Variants in BTBD9 observed in about 807,000 individuals in gnomAD.
The protein encoded by BTBD9 is BTB/POZ domain-containing protein 9.
A neutral mutation model predicts 64.3 loss-of-function variants in BTBD9; 49 were observed. The ratio of observed to expected loss-of-function variants is 0.76; its 90% CI spans 0.61 to 0.97. BTBD9 has a LOEUF of 0.97. Among genes scored for constraint, BTBD9 ranks in the 50% least tolerant of loss-of-function variants. The pLI is 0.00. For synonymous variants in BTBD9, 260 were observed against 274.7 expected (o/e 0.95, Z 0.53); for missense variants, 598 against 762.1 (o/e 0.78, Z 2.53).
At chr6:38,504,009 C>T (rs1189120795) in intron 6 of BTBD9, among the ~76,000 whole-genome samples, 4 of 152,248 alleles carry the variant, frequency 2.6e-5, no homozygotes, top group Non-Finnish European at 4.4e-5. Context: ...CCACTGATCC[C>T]GCCACAGTCT....
intron 6 of BTBD9, among the ~76,000 whole-genome samples, chr6:38,463,936 G>A (rs1770220503): frequency 6.6e-6 from 1 of 152,152 alleles, no homozygotes; most frequent in Admixed American, 6.6e-5. Flanking sequence ...GGAGGCTGAG[G>A]CAGAAGGATC....
chr6:38,608,225 T>C (rs926002815), intron 1 of BTBD9, among the ~76,000 whole-genome samples: 6 of 152,174 alleles, frequency 3.9e-5, no homozygotes, highest in Admixed American at 1.3e-4. Context: ...CTATCACTTA[T>C]AGATCTCAGA....
intron 6 of BTBD9, among the ~76,000 whole-genome samples, chr6:38,475,535 A>C (rs1006616960): frequency 1.3e-5 from 2 of 152,146 alleles, no homozygotes; most frequent in African/African-American, 4.8e-5. Flanking sequence ...CTGACACAAC[A>C]TATGCTGCCT....
chr6:38,376,598 G>A (rs1765703749), intron 6 of BTBD9, among the ~76,000 whole-genome samples: 1 of 152,066 alleles, frequency 6.6e-6, no homozygotes, highest in Admixed American at 6.5e-5. Flanking sequence ...CAAAAGCTGT[G>A]TTAACTTTCT....
chr6:38,196,493 T>G (rs1762277668), intron 9 of BTBD9, among the ~76,000 whole-genome samples: 3 of 152,214 alleles, frequency 2.0e-5, no homozygotes, highest in Admixed American at 2.0e-4. Flanking sequence ...ATTCAATGAT[T>G]ACCACAGAGG....
At chr6:38,548,148 AG>A (rs1774638359) in intron 6 of BTBD9, among the ~76,000 whole-genome samples, 1 of 152,204 alleles carries the variant, frequency 6.6e-6, no homozygotes, top group African/African-American at 2.4e-5. Flanking sequence ...CAAATCTATA[AG>A]TATACTATTC....
In BTBD9 at chr6:38,573,401, T is replaced by C. The variant is rs1463635302; in HGVS notation, c.1154+4199A>G. ...AAGGAAATAAAGAAAGAAACCGTTT[T>C]GTATTAACCAAGTTCATCTCTCCTA... On this transcript the variant is annotated intron_variant, in intron 6 of 10. Coordinates refer to ENST00000481247, the MANE Select transcript of BTBD9 (RefSeq NM_001099272.2). Among the ~76,000 whole-genome samples the C allele has an allele frequency of 1.2e-4, 19 of 152,326 alleles. No homozygotes were observed. In the East Asian group the frequency reaches 3.5e-3, roughly 28 times the overall value.
chr6:38,564,188 C>T (rs138679204), intron 6 of BTBD9, among the ~76,000 whole-genome samples: 10 of 152,288 alleles, frequency 6.6e-5, no homozygotes, highest in Non-Finnish European at 1.0e-4. Context: ...CCTTTACTGT[C>T]CACTTGTGCT....
At chr6:38,517,199 TC>T (rs1773070268) in intron 6 of BTBD9, among the ~76,000 whole-genome samples, 1 of 152,172 alleles carries the variant, frequency 6.6e-6, no homozygotes, top group Admixed American at 6.5e-5. Context: ...TGCCAACACT[TC>T]CTAAAGAGAT....
chr6:38,532,275 C>T (rs1773834199), intron 6 of BTBD9, among the ~76,000 whole-genome samples: 1 of 152,116 alleles, frequency 6.6e-6, no homozygotes, highest in Non-Finnish European at 1.5e-5. Context: ...ATTGCCAATC[C>T]CGGCAGTCAG....
intron 6 of BTBD9, among the ~76,000 whole-genome samples, chr6:38,558,518 G>A (rs1053050179): frequency 2.0e-5 from 3 of 152,108 alleles, no homozygotes; most frequent in Admixed American, 6.5e-5. Context: ...TTAGTATGAT[G>A]CTGGCTATGA....
Position 38,301,165 on chromosome 6 carries a change from T to C in BTBD9, c.1265-12704A>G, listed in dbSNP as rs183840320. On this transcript the variant is annotated intron_variant, in intron 7 of 10. Coordinates refer to ENST00000481247, the MANE Select transcript of BTBD9 (RefSeq NM_001099272.2). ...CTGTTTATATGCTGGATTATGTTTA[T>C]TGATTTTCGTATGTTGAACCAGCCT... Among the ~76,000 whole-genome samples, 51 of 152,374 alleles carry C rather than the reference T, an allele frequency of 3.3e-4. No individual in the cohort carries two copies. The East Asian group carries it at 9.6e-3, about 29-fold the overall frequency.
chr6:38,273,173 C>G (rs532804449), intron 8 of BTBD9, among the ~76,000 whole-genome samples: 1 of 152,296 alleles, frequency 6.6e-6, no homozygotes, highest in Non-Finnish European at 1.5e-5. Flanking sequence ...TTCTCTGTCC[C>G]TTTGTCAACA....
intron 6 of BTBD9, among the ~76,000 whole-genome samples, chr6:38,555,361 A>G (rs141133872): frequency 2.6e-5 from 4 of 152,352 alleles, no homozygotes; most frequent in South Asian, 4.1e-4. Context: ...CCAGAACAAC[A>G]ATTACCTGAA....
chr6:38,572,960 C>A (rs1231317603), intron 6 of BTBD9, among the ~76,000 whole-genome samples: 1 of 151,586 alleles, frequency 6.6e-6, no homozygotes, highest in African/African-American at 2.4e-5. Flanking sequence ...ACTAAAAATG[C>A]GTTAACAAAT....
intron 7 of BTBD9, among the ~76,000 whole-genome samples, chr6:38,312,806 C>T (rs952826767): frequency 3.3e-5 from 5 of 152,148 alleles, no homozygotes; most frequent in Admixed American, 1.3e-4. Flanking sequence ...TTGGTTACCA[C>T]AGTTCTGTAG....
At chr6:38,301,729 G>T (rs556366609) in intron 7 of BTBD9, among the ~76,000 whole-genome samples, 1 of 151,860 alleles carries the variant, frequency 6.6e-6, no homozygotes, top group Admixed American at 6.6e-5. Flanking sequence ...TTTTTATTGC[G>T]TCTATTTGAT....
At chr6:38,288,788 G>A (rs150278322) in intron 7 of BTBD9, among the ~76,000 whole-genome samples, 11 of 152,004 alleles carry the variant, frequency 7.2e-5, no homozygotes, top group South Asian at 4.2e-4. Flanking sequence ...TCAGCCAGGC[G>A]TGGTGGCGTG....
At chr6:38,245,523 G>A (rs945327995) in intron 9 of BTBD9, among the ~76,000 whole-genome samples, 2 of 152,162 alleles carry the variant, frequency 1.3e-5, no homozygotes, top group African/African-American at 2.4e-5. Context: ...GGATGCAGAG[G>A]GAGTATGGAG....
Sources: gnomAD v4.1 joint callset for allele counts (sites outside exome capture counted in the v4.1 genomes callset) on GRCh38, gnomAD v4.1.1 for gene constraint, MANE v1.5 for transcripts, NCBI Gene and HGNC (gene_info 2026-07-23, HGNC 2026-07-21) for gene names.